PARD3B: variants seen among roughly 807,000 people sequenced by gnomAD.
The protein encoded by PARD3B is partitioning defective 3 homolog B.
In PARD3B, 103 loss-of-function variants were observed where a neutral mutation model predicts 130.2. The observed-to-expected ratio is 0.79, with a 90% CI of 0.67 to 0.93. The LOEUF is 0.93. Among genes scored for constraint, PARD3B ranks in the 40% least tolerant of loss-of-function variants. The probability of loss-of-function intolerance (pLI) is 0.00; values close to 1 mark genes in which losing one functional copy is unlikely to be tolerated. For missense variants in PARD3B, 1,609 were observed against 1,499.2 expected (o/e 1.07, Z -1.21); for synonymous variants, 583 against 553.2 (o/e 1.05, Z -0.76).
chr2:205,274,987 TTTTA>T lies in PARD3B; in HGVS notation c.2186-25539_2186-25536del, dbSNP rs1219372927. ...AAAGTGGTCTGTGGCTTCAAAGGGC[TTTTA>T]TTTGCTTTACTTGCTTCTAGGTTTC... is the stretch of plus-strand genomic sequence containing the variant. On this transcript the variant is annotated intron_variant, in intron 16 of 22. Coordinates refer to ENST00000406610, the MANE Select transcript of PARD3B (RefSeq NM_001302769.2). This position sits in a 1 kb window ranked among gnomAD's most constrained non-coding sequence, Gnocchi z 4.2. Among the ~76,000 whole-genome samples, 15 of 152,176 alleles carry T rather than the reference TTTTA, an allele frequency of 9.9e-5. No individual in the cohort carries two copies. The highest frequency in any genetic ancestry group is 2.2e-4 in the Non-Finnish European group (15 of 68,032).
Position 205,078,735 on chromosome 2 carries a change from C to T in PARD3B, c.505-25691C>T, listed in dbSNP as rs1484765140. 6.6e-6 allele frequency among the ~76,000 whole-genome samples: 1 copy of T among 152,192 alleles called. No homozygotes were observed. The highest frequency in any genetic ancestry group is 2.4e-5 in the African/African-American group (1 of 41,456). Reference sequence around the variant, plus strand: ...GCGTGCAGCAGACATTGTGTGACTTCTGAGACTAGTTCAGAAAAGGCTATA... The same window carrying T: ...GCGTGCAGCAGACATTGTGTGACTTTTGAGACTAGTTCAGAAAAGGCTATA... On this transcript the variant is annotated intron_variant, in intron 4 of 22. Coordinates refer to ENST00000406610, the MANE Select transcript of PARD3B (RefSeq NM_001302769.2). This position sits in a 1 kb window ranked among gnomAD's most constrained non-coding sequence, Gnocchi z 4.0.
At chr2:204,695,399 A>G (rs1046469361) in intron 2 of PARD3B, among the ~76,000 whole-genome samples, 34 of 152,028 alleles carry the variant, frequency 2.2e-4, no homozygotes, top group African/African-American at 8.2e-4. Flanking sequence ...TGTGAGTACT[A>G]GTGTCAGTCA....
intron 4 of PARD3B, among the ~76,000 whole-genome samples, chr2:205,092,359 T>A (rs1702158776): frequency 6.6e-6 from 1 of 152,092 alleles, no homozygotes; most frequent in Admixed American, 6.6e-5. Flanking sequence ...AATGATCATG[T>A]CTCACTTCAT....
intron 4 of PARD3B, among the ~76,000 whole-genome samples, chr2:205,053,212 A>G (rs1699354538): frequency 6.6e-6 from 1 of 152,096 alleles, no homozygotes; most frequent in Non-Finnish European, 1.5e-5. Context: ...CCCTGTATTA[A>G]ACTTCCTCAG....
At chr2:205,204,730 G>A (rs1004761266) in intron 15 of PARD3B, among the ~76,000 whole-genome samples, 7 of 152,146 alleles carry the variant, frequency 4.6e-5, no homozygotes, top group South Asian at 2.1e-4. Flanking sequence ...GCTTGTTTTT[G>A]TCAGGTCTGT....
At chr2:204,763,466 C>A (rs2040996910) in intron 2 of PARD3B, among the ~76,000 whole-genome samples, 1 of 152,078 alleles carries the variant, frequency 6.6e-6, no homozygotes, top group Admixed American at 6.5e-5. Context: ...ACTCAAAATT[C>A]TTCAAAATAT....
chr2:205,375,514 T>C (rs1385836615), intron 18 of PARD3B, among the ~76,000 whole-genome samples: 4 of 152,168 alleles, frequency 2.6e-5, no homozygotes, highest in Non-Finnish European at 4.4e-5. Context: ...TTATACATTT[T>C]TTTAGAAATG....
chr2:205,378,276 CATCA>C (rs2045147505), intron 18 of PARD3B, among the ~76,000 whole-genome samples: 1 of 152,124 alleles, frequency 6.6e-6, no homozygotes, highest in Non-Finnish European at 1.5e-5. Flanking sequence ...ACAGTGAATC[CATCA>C]ATCAACCAGT....
intron 1 of PARD3B, among the ~76,000 whole-genome samples, chr2:204,663,186 G>C (rs749228734): frequency 5.3e-5 from 8 of 152,144 alleles, no homozygotes; most frequent in Non-Finnish European, 8.8e-5. Flanking sequence ...GGCCCTACTT[G>C]TTGGGCCACA....
At chr2:205,330,394 G>GTGT (rs909069339) in intron 18 of PARD3B, among the ~76,000 whole-genome samples, 1 of 152,098 alleles carries the variant, frequency 6.6e-6, no homozygotes, top group African/African-American at 2.4e-5. Context: ...GAATTAATGG[G>GTGT]TGTTGGACTC....
chr2:204,666,590 G>A (rs1412133439), intron 1 of PARD3B, among the ~76,000 whole-genome samples: 1 of 152,112 alleles, frequency 6.6e-6, no homozygotes, highest in East Asian at 1.9e-4. Flanking sequence ...TGAACAGCTT[G>A]AGATAGATTT....
At chr2:204,924,864 C>G in intron 2 of PARD3B, among the ~76,000 whole-genome samples, 1 of 151,930 alleles carries the variant, frequency 6.6e-6, no homozygotes, top group East Asian at 1.9e-4. Flanking sequence ...GACAACTCTG[C>G]AAAAACTGTA....
chr2:204,585,903 G>T (rs1431405891), intron 1 of PARD3B, among the ~76,000 whole-genome samples: 2 of 151,954 alleles, frequency 1.3e-5, no homozygotes, highest in Non-Finnish European at 2.9e-5. Flanking sequence ...TAGATATATT[G>T]CCTAAAGCCA....
intron 15 of PARD3B, among the ~76,000 whole-genome samples, chr2:205,210,229 T>A (rs1420359659): frequency 6.6e-6 from 1 of 151,904 alleles, no homozygotes; most frequent in African/African-American, 2.4e-5. Context: ...ATAAATAAAA[T>A]TTTTTAAAAA....
intron 2 of PARD3B, among the ~76,000 whole-genome samples, chr2:204,917,396 G>A (rs527618049): frequency 6.6e-6 from 1 of 152,260 alleles, no homozygotes; most frequent in East Asian, 1.9e-4. Context: ...TCTATTTTGG[G>A]TATTCAGGAT....
At position 205,124,476 on chromosome 2, in the gene PARD3B, G is replaced by A; in HGVS notation, c.1305+10G>A. 3 of 1,555,932 alleles carry A rather than the reference G, an allele frequency of 1.9e-6. No homozygotes were observed. The highest frequency in any genetic ancestry group is 1.7e-6 in the Non-Finnish European group (2 of 1,149,974). On this transcript the variant is annotated intron_variant, in intron 9 of 22. Coordinates refer to ENST00000406610, the MANE Select transcript of PARD3B (RefSeq NM_001302769.2). ...GGACAGAATTTTGGAGGTAAGAATT[G>A]GAATTAATAGTTGTATGAAAATATT...
intron 15 of PARD3B, among the ~76,000 whole-genome samples, chr2:205,232,240 G>A (rs369584994): frequency 9.2e-5 from 14 of 152,094 alleles, no homozygotes; most frequent in African/African-American, 3.1e-4. Flanking sequence ...GCTTGAGGCC[G>A]AGAGTTTGAG....
rs558993708 is a variant in PARD3B at position 204,918,405 on chromosome 2, C to T, written c.223-46747C>T. Among the ~76,000 whole-genome samples the T allele has an allele frequency of 4.6e-5, 7 of 152,036 alleles. 1 individual carries two copies. In the South Asian group the frequency reaches 1.0e-3, roughly 23 times the overall value. On this transcript the variant is annotated intron_variant, in intron 2 of 22. Coordinates refer to ENST00000406610, the MANE Select transcript of PARD3B (RefSeq NM_001302769.2). ...CAGCACTTTGGGAGGCCGAGGCGGG[C>T]GGATCACGAGGTCAGGAGATCGAGA...
chr2:205,495,128 G>A (rs2049878321), intron 20 of PARD3B, among the ~76,000 whole-genome samples: 1 of 152,174 alleles, frequency 6.6e-6, no homozygotes, highest in African/African-American at 2.4e-5. Context: ...ATTTGTTGCT[G>A]TAGGTGGCCA....
Sources: gnomAD v4.1 joint callset for allele counts (sites outside exome capture counted in the v4.1 genomes callset) on GRCh38, gnomAD v4.1.1 for gene constraint, Gnocchi (gnomAD v3.1) non-coding constraint, MANE v1.5 for transcripts, NCBI Gene and HGNC (gene_info 2026-07-23, HGNC 2026-07-21) for gene names.